GALNTL6: variants seen among roughly 807,000 people sequenced by gnomAD.
GALNTL6 encodes the protein polypeptide N-acetylgalactosaminyltransferase like 6.
Under a neutral mutation model 73.7 loss-of-function variants are expected in GALNTL6, and 46 were observed. The ratio of observed to expected loss-of-function variants is 0.62; its 90% confidence interval spans 0.49 to 0.80. The LOEUF is 0.80. Ranked by LOEUF, GALNTL6 falls within the 30% of genes least tolerant of loss-of-function variation. The probability of loss-of-function intolerance (pLI) is 0.00; values close to 1 mark genes in which losing one functional copy is unlikely to be tolerated. For missense variants in GALNTL6, 604 were observed against 755.0 expected (o/e 0.80, Z 2.34); for synonymous variants, 259 against 263.7 (o/e 0.98, Z 0.17).
At chr4:172,291,490 A>C (rs546004737) in intron 3 of GALNTL6, among the ~76,000 whole-genome samples, 1 of 152,168 alleles carries the variant, frequency 6.6e-6, no homozygotes, top group African/African-American at 2.4e-5. Context: ...GTATGATACT[A>C]AAAAATCATA....
At chr4:172,181,934 G>A (rs1012874234) in intron 2 of GALNTL6, among the ~76,000 whole-genome samples, 5 of 151,788 alleles carry the variant, frequency 3.3e-5, no homozygotes, top group Admixed American at 3.3e-4. Flanking sequence ...AGCCAGGATG[G>A]TCTCTATCTC....
At chr4:172,626,668 T>C (rs1226873904) in intron 5 of GALNTL6, among the ~76,000 whole-genome samples, 1 of 152,138 alleles carries the variant, frequency 6.6e-6, no homozygotes, top group African/African-American at 2.4e-5. Context: ...TCATCTCTGA[T>C]TTCTTGCAGC....
intron 7 of GALNTL6, among the ~76,000 whole-genome samples, chr4:172,852,669 C>T (rs1346676141): frequency 3.3e-5 from 5 of 152,034 alleles, no homozygotes; most frequent in Admixed American, 2.6e-4. Context: ...AACTGTTTTC[C>T]GGAAAGGCAA....
At chr4:171,947,505 A>G (rs1431267631) in intron 2 of GALNTL6, among the ~76,000 whole-genome samples, 1 of 151,692 alleles carries the variant, frequency 6.6e-6, no homozygotes. Flanking sequence ...CATTGGGTGA[A>G]GGACTTGAAT....
chr4:172,767,762 C>T (rs1334172258), intron 5 of GALNTL6, among the ~76,000 whole-genome samples: 3 of 150,882 alleles, frequency 2.0e-5, no homozygotes, highest in East Asian at 2.0e-4. Flanking sequence ...TTCCACCTCC[C>T]AGGTTCAATT....
rs1448728102 is a variant in GALNTL6 at position 172,057,723 on chromosome 4, A to ATT, written c.139-171933_139-171932insTT. Among the ~76,000 whole-genome samples, 8 of 59,932 alleles carry ATT rather than the reference A, an allele frequency of 1.3e-4. No homozygotes were observed. In the South Asian group the frequency reaches 3.8e-3, roughly 28 times the overall value. 39.3% of individuals were successfully genotyped at this position (59,932 alleles called of 152,430 possible). A position where few individuals can be genotyped will look rare whatever the true frequency, so the allele number is the denominator to read the frequency against. ...TCTCAAAAAAAAAAAAAAAAAAAAA[A>ATT]AAAAATATATATATATATATATATA... On this transcript the variant is annotated intron_variant, in intron 2 of 12. Coordinates refer to ENST00000506823, the MANE Select transcript of GALNTL6 (RefSeq NM_001034845.3).
At chr4:171,858,445 A>G (rs1448136467) in intron 2 of GALNTL6, among the ~76,000 whole-genome samples, 1 of 150,342 alleles carries the variant, frequency 6.7e-6, no homozygotes, top group Non-Finnish European at 1.5e-5. Flanking sequence ...CAAAATGACT[A>G]GGTTCTTATT....
intron 2 of GALNTL6, among the ~76,000 whole-genome samples, chr4:171,837,339 G>A (rs1035523815): frequency 6.6e-6 from 1 of 151,952 alleles, no homozygotes; most frequent in Non-Finnish European, 1.5e-5. Context: ...TAAATGCAAG[G>A]CATGAGAGTG....
chr4:172,983,877 G>C (rs965000275), intron 10 of GALNTL6, among the ~76,000 whole-genome samples: 5 of 151,696 alleles, frequency 3.3e-5, no homozygotes, highest in Non-Finnish European at 2.9e-5. Flanking sequence ...ATAAGAACCA[G>C]AGGTCCAGGA....
intron 5 of GALNTL6, among the ~76,000 whole-genome samples, chr4:172,376,396 CTTG>C (rs1293048264): frequency 1.3e-5 from 2 of 152,118 alleles, no homozygotes; most frequent in Non-Finnish European, 2.9e-5. Context: ...GGTCAACCAA[CTTG>C]TTGTCGGCAC....
At chr4:172,226,092 TGAA>T (rs1346023264) in intron 2 of GALNTL6, among the ~76,000 whole-genome samples, 1 of 152,216 alleles carries the variant, frequency 6.6e-6, no homozygotes, top group Non-Finnish European at 1.5e-5. Flanking sequence ...AATCATACTA[TGAA>T]GACTATGGTG....
intron 5 of GALNTL6, among the ~76,000 whole-genome samples, chr4:172,525,868 A>T (rs528015889): frequency 2.1e-4 from 32 of 152,324 alleles, no homozygotes; most frequent in African/African-American, 7.2e-4. Context: ...GTCCCAAAAA[A>T]ATAAAAATAA....
chr4:172,479,701 A>G (rs1345168765), intron 5 of GALNTL6, among the ~76,000 whole-genome samples: 3 of 152,226 alleles, frequency 2.0e-5, no homozygotes, highest in Non-Finnish European at 2.9e-5. Context: ...CCCAAAAGCT[A>G]TTGAAGTAAA....
intron 7 of GALNTL6, among the ~76,000 whole-genome samples, chr4:172,827,875 C>G (rs1169452972): frequency 6.6e-6 from 1 of 150,850 alleles, no homozygotes; most frequent in Non-Finnish European, 1.5e-5. Flanking sequence ...AGTTTTTTTT[C>G]ACTGCATTCT....
chr4:172,262,114 G>C (rs182798929), intron 3 of GALNTL6, among the ~76,000 whole-genome samples: 142 of 151,548 alleles, frequency 9.4e-4, no homozygotes, highest in Middle Eastern at 3.4e-3. Flanking sequence ...TCTTGCAGTT[G>C]TTGGATAGAA....
intron 5 of GALNTL6, among the ~76,000 whole-genome samples, chr4:172,390,305 G>T (rs929006139): frequency 1.3e-5 from 2 of 152,126 alleles, no homozygotes; most frequent in Admixed American, 1.3e-4. Flanking sequence ...ACTATGGACT[G>T]TTTAAACTTT....
chr4:173,018,497 C>T (rs1220167435), intron 11 of GALNTL6, among the ~76,000 whole-genome samples: 1 of 152,088 alleles, frequency 6.6e-6, no homozygotes, highest in African/African-American at 2.4e-5. Context: ...ATGCTCCAAG[C>T]CCTGCAACTA....
chr4:172,516,705 A>G (rs895106320), intron 5 of GALNTL6, among the ~76,000 whole-genome samples: 1 of 152,218 alleles, frequency 6.6e-6, no homozygotes, highest in Non-Finnish European at 1.5e-5. Context: ...AAGAATTGAA[A>G]GCAGGATCTC....
chr4:172,574,609 G>A (rs1736893761), intron 5 of GALNTL6, among the ~76,000 whole-genome samples: 1 of 151,504 alleles, frequency 6.6e-6, no homozygotes, highest in Non-Finnish European at 1.5e-5. Flanking sequence ...GAGTATGAAG[G>A]AGAAAAACAG....
Sources: gnomAD v4.1 joint callset for allele counts (sites outside exome capture counted in the v4.1 genomes callset) on GRCh38, gnomAD v4.1.1 for gene constraint, MANE v1.5 for transcripts, NCBI Gene and HGNC (gene_info 2026-07-23, HGNC 2026-07-21) for gene names.